TTC28: variants seen among roughly 807,000 people sequenced by gnomAD.
TTC28 encodes tetratricopeptide repeat protein 28.
Under a neutral mutation model 198.0 loss-of-function variants are expected in TTC28, and 61 were observed. That is an observed-to-expected ratio of 0.31 (90% confidence interval 0.25 to 0.38). The LOEUF (loss-of-function observed/expected upper bound fraction) is 0.38, where lower values mean the gene tolerates loss of function less well. Ranked by LOEUF, TTC28 falls within the 10% of genes least tolerant of loss-of-function variation. The pLI is 1.00. For synonymous variants in TTC28, 1,171 were observed against 1,297.8 expected, an observed-to-expected ratio of 0.90 and a Z score of 2.10; for missense variants, 2,678 against 3,164.0, an observed-to-expected ratio of 0.85 and a Z score of 3.69.
intron 5 of TTC28, among the ~76,000 whole-genome samples, chr22:28,291,301 G>A (rs1219784859): frequency 6.6e-6 from 1 of 152,010 alleles, no homozygotes; most frequent in African/African-American, 2.4e-5. Context: ...TGAACACAAA[G>A]TGCCTAACAG....
chr22:28,124,895 T>G (rs971092492), intron 6 of TTC28, among the ~76,000 whole-genome samples: 4 of 152,308 alleles, frequency 2.6e-5, no homozygotes, highest in South Asian at 4.1e-4. Context: ...TCAGAAAAGA[T>G]GTATTCTAAA....
At chr22:28,466,657 T>C (rs1229773293) in intron 2 of TTC28, among the ~76,000 whole-genome samples, 4 of 152,178 alleles carry the variant, frequency 2.6e-5, no homozygotes, top group African/African-American at 9.7e-5. Context: ...TTTTAGAGAC[T>C]AGCACTCACA....
chr22:28,254,340 A>G (rs770963269), intron 5 of TTC28, among the ~76,000 whole-genome samples: 1 of 152,160 alleles, frequency 6.6e-6, no homozygotes, highest in Non-Finnish European at 1.5e-5. Context: ...AAGAACATAA[A>G]CTTGAAGAAC....
At chr22:28,248,899 C>T (rs1930314001) in intron 5 of TTC28, among the ~76,000 whole-genome samples, 1 of 152,088 alleles carries the variant, frequency 6.6e-6, no homozygotes, top group Admixed American at 6.6e-5. Flanking sequence ...AAATACAGAA[C>T]CATACAAACT....
At chr22:28,450,817 C>T (rs1163005264) in intron 2 of TTC28, among the ~76,000 whole-genome samples, 1 of 152,174 alleles carries the variant, frequency 6.6e-6, no homozygotes, top group African/African-American at 2.4e-5. Flanking sequence ...AAAAATACTG[C>T]TTTCCAAATG....
chr22:28,327,814 G>C (rs1179974963), intron 2 of TTC28, among the ~76,000 whole-genome samples: 1 of 152,172 alleles, frequency 6.6e-6, no homozygotes, highest in Non-Finnish European at 1.5e-5. Flanking sequence ...TCTATAAGTA[G>C]AGGTATAATA....
At position 28,163,414 on chromosome 22, in the gene TTC28, A is replaced by C; in HGVS notation, c.1119T>G (p.Ala373=). 1 of 1,551,902 alleles carries C rather than the reference A, an allele frequency of 6.4e-7. No individual in the cohort carries two copies. Among genetic ancestry groups the C allele is most frequent in the East Asian group, 2.4e-5 (1 of 40,920 alleles). The change falls in exon 6 of 23, where the codon GCT becomes GCG. Residue 373 remains alanine, a synonymous_variant. Transcript: ENST00000397906. ...VYIAMGDFEN[A]VQCHEQHLKI... ...TCAGATGCTGCTCATGGCACTGCACAGCATTCTCAAAGTCACCCATGGCAA... is the reference window on the plus strand; with the variant it reads ...TCAGATGCTGCTCATGGCACTGCACCGCATTCTCAAAGTCACCCATGGCAA...
At chr22:28,303,262 T>C (rs2045064287) in intron 3 of TTC28, among the ~76,000 whole-genome samples, 1 of 152,200 alleles carries the variant, frequency 6.6e-6, no homozygotes, top group Non-Finnish European at 1.5e-5. Flanking sequence ...TGCTTAAATG[T>C]TTGTAAGATA....
intron 2 of TTC28, among the ~76,000 whole-genome samples, chr22:28,378,485 C>T (rs1042227162): frequency 1.3e-5 from 2 of 150,630 alleles, no homozygotes; most frequent in African/African-American, 4.9e-5. Flanking sequence ...CATAGGGAGA[C>T]CCCATCTCTA....
intron 5 of TTC28, among the ~76,000 whole-genome samples, chr22:28,213,943 T>C (rs1033798888): frequency 1.3e-5 from 2 of 152,010 alleles, no homozygotes; most frequent in Non-Finnish European, 2.9e-5. Flanking sequence ...TATAGACCAA[T>C]GGAACAGAAC....
chr22:28,613,884 A>T (rs1209119415), intron 2 of TTC28, among the ~76,000 whole-genome samples: 1 of 152,238 alleles, frequency 6.6e-6, no homozygotes. Flanking sequence ...AAACCGGCAC[A>T]AGACAAGGAT....
chr22:28,192,180 G>A (rs561920439), intron 5 of TTC28, among the ~76,000 whole-genome samples: 14 of 152,332 alleles, frequency 9.2e-5, no homozygotes, highest in Admixed American at 2.6e-4. Flanking sequence ...GGCAAACAGG[G>A]TCTGGAGTGG....
intron 2 of TTC28, among the ~76,000 whole-genome samples, chr22:28,536,124 G>A (rs1396343455): frequency 1.3e-5 from 2 of 149,254 alleles, no homozygotes; most frequent in African/African-American, 2.5e-5. Flanking sequence ...GCGGGAACCC[G>A]GGAGGCGGAG....
intron 5 of TTC28, among the ~76,000 whole-genome samples, chr22:28,229,823 C>G (rs1319914383): frequency 6.6e-6 from 1 of 152,070 alleles, no homozygotes; most frequent in African/African-American, 2.4e-5. Flanking sequence ...TGCTACCAGA[C>G]AGAAATAATG....
At chr22:28,495,797 T>C (rs976550907) in intron 2 of TTC28, among the ~76,000 whole-genome samples, 1 of 152,156 alleles carries the variant, frequency 6.6e-6, no homozygotes, top group African/African-American at 2.4e-5. Flanking sequence ...AACATATTAA[T>C]ATAAGTTTAA....
chr22:28,120,108 A>AATG (rs1456786702), intron 6 of TTC28, among the ~76,000 whole-genome samples: 1 of 152,094 alleles, frequency 6.6e-6, no homozygotes, highest in Non-Finnish European at 1.5e-5. Flanking sequence ...TAATAATAAT[A>AATG]ATGATAATGA....
chr22:28,159,443 C>A (rs1220463900), intron 6 of TTC28, among the ~76,000 whole-genome samples: 1 of 152,178 alleles, frequency 6.6e-6, no homozygotes, highest in Admixed American at 6.5e-5. Flanking sequence ...ATCACAAGGT[C>A]AGGAGTTCGA....
intron 14 of TTC28, among the ~76,000 whole-genome samples, chr22:28,012,833 A>C (rs1296448570): frequency 6.6e-6 from 1 of 152,108 alleles, no homozygotes; most frequent in African/African-American, 2.4e-5. Flanking sequence ...ACATTTGTCT[A>C]ACCTGCTCTA....
chr22:28,122,159 C>T (rs745581684), intron 6 of TTC28, among the ~76,000 whole-genome samples: 21 of 152,302 alleles, frequency 1.4e-4, no homozygotes, highest in South Asian at 6.2e-4. Context: ...TGAACCACCG[C>T]GCTCAGCCTG....
Sources: allele counts gnomAD v4.1 joint callset (sites outside exome capture counted in the v4.1 genomes callset), GRCh38; gene constraint gnomAD v4.1.1; transcripts MANE v1.5; gene names NCBI Gene and HGNC (gene_info 2026-07-23, HGNC 2026-07-21).